The following THBS4 variants were observed in gnomAD, a reference collection of about 807,000 sequenced individuals.
THBS4 encodes the protein thrombospondin-4.
A neutral mutation model predicts 115.7 loss-of-function variants in THBS4; 90 were observed. That is an observed-to-expected ratio of 0.78 (90% CI 0.66 to 0.93). The LOEUF (loss-of-function observed/expected upper bound fraction) is 0.93, where lower values mean the gene tolerates loss of function less well. THBS4 is among the 40% of genes least tolerant of loss of function. The probability of loss-of-function intolerance (pLI) is 0.00; values close to 1 mark genes in which losing one functional copy is unlikely to be tolerated. For synonymous variants in THBS4, 460 were observed against 479.3 expected (o/e 0.96, Z 0.53); for missense variants, 1,087 against 1,232.7 (o/e 0.88, Z 1.77).
chr5:80,070,562 C>G (rs181668106), intron 11 of THBS4, 81 bp from the exon 12 acceptor site: 17 of 1,439,444 alleles, frequency 1.2e-5, no homozygotes, highest in Middle Eastern at 1.7e-4. Flanking sequence ...AACAATAAAG[C>G]CACAGTGTCT....
At chr5:80,020,858 C>T (rs1345933690) in intron 2 of THBS4, among the ~76,000 whole-genome samples, 1 of 152,212 alleles carries the variant, frequency 6.6e-6, no homozygotes, top group Non-Finnish European at 1.5e-5. Flanking sequence ...TGCAAAACCA[C>T]TATAGAAATG....
chr5:80,071,655 T>C (rs6874418), intron 13 of THBS4: 3 of 148,552 alleles, frequency 2.0e-5, no homozygotes, highest in Non-Finnish European at 3.0e-5. Context: ...AACACACACA[T>C]ACACACACAC....
At chr5:80,058,603 T>C in intron 4 of THBS4, 105 bp from the exon 5 acceptor site, 1 of 1,005,524 alleles carries the variant, frequency 9.9e-7, no homozygotes, top group East Asian at 2.4e-5. Context: ...TCTGGGTTTT[T>C]GAATCATCTT....
intron 2 of THBS4, among the ~76,000 whole-genome samples, chr5:80,002,365 C>T (rs1315769445): frequency 1.3e-5 from 2 of 152,068 alleles, no homozygotes; most frequent in African/African-American, 4.8e-5. Flanking sequence ...CTGACATACC[C>T]TCAATGGATG....
In THBS4 at chr5:80,061,796, G is replaced by C; in HGVS notation, c.1089G>C (p.Gln363His). 6.8e-6 allele frequency: 11 copies of C among 1,613,808 alleles called. No individual in the cohort carries two copies. Among genetic ancestry groups the C allele is most frequent in the Non-Finnish European group, 9.3e-6 (11 of 1,179,954 alleles). ...TGGGCTTCACAGGGCCCATGGTGCA[G>C]GGTGTTGGGATCAGTTTTGCCAAGT... The part of the protein sequence containing the change: ...CPVGFTGPMV[Q>H]GVGISFAKSN... The change falls in exon 8 of 22, where the codon CAG (glutamine) becomes CAC (histidine). Residue 363 changes from glutamine to histidine, a missense_variant. Physicochemically the swap from Gln to His is conservative, Grantham distance 24. Coordinates refer to ENST00000350881, the MANE Select transcript of THBS4 (RefSeq NM_003248.6).
chr5:80,061,691 C>A lies in THBS4; in HGVS notation c.988-4C>A. On this transcript the variant is annotated splice_region_variant and splice_polypyrimidine_tract_variant and intron_variant, in intron 7 of 21. Coordinates refer to ENST00000350881, the MANE Select transcript of THBS4 (RefSeq NM_003248.6). ...CTAAAGACTTTGAACTTTTTTGTCT[C>A]CAGTGCAAATACCATCCCTGCTACC... 1 of 1,601,734 alleles carries A rather than the reference C, an allele frequency of 6.2e-7. No individual in the cohort carries two copies. Among genetic ancestry groups the A allele is most frequent in the Non-Finnish European group, 8.5e-7 (1 of 1,173,664 alleles).
chr5:80,004,935 G>A (rs1049172343), intron 2 of THBS4, among the ~76,000 whole-genome samples: 2 of 151,814 alleles, frequency 1.3e-5, no homozygotes, highest in Non-Finnish European at 2.9e-5. Flanking sequence ...AGGGGGTTTC[G>A]CCATGTTACC....
intron 2 of THBS4, among the ~76,000 whole-genome samples, chr5:80,000,224 A>C (rs1160651972): frequency 1.3e-5 from 2 of 152,220 alleles, no homozygotes; most frequent in African/African-American, 4.8e-5. Flanking sequence ...ACTAACTCTT[A>C]TATCCCCCAC....
chr5:80,061,249 G>C (rs1205583665), intron 7 of THBS4, among the ~76,000 whole-genome samples: 3 of 152,166 alleles, frequency 2.0e-5, no homozygotes, highest in Non-Finnish European at 4.4e-5. Context: ...GGCCCTGAGG[G>C]ATTACATGGT....
At chr5:79,993,460 C>T (rs145656005) in intron 1 of THBS4, among the ~76,000 whole-genome samples, 72 of 152,250 alleles carry the variant, frequency 4.7e-4, no homozygotes, top group African/African-American at 1.6e-3. Flanking sequence ...CTTTTCCTGG[C>T]TGTTTTAGAG....
At chr5:80,082,340 C>T (rs1743553007) in intron 20 of THBS4, 66 bp from the exon 21 acceptor site, 4 of 1,593,422 alleles carry the variant, frequency 2.5e-6, no homozygotes, top group Non-Finnish European at 3.4e-6. Context: ...GGCCCCTGGG[C>T]CTCACAGTGG....
upstream of THBS4, among the ~76,000 whole-genome samples, chr5:80,031,904 T>C (rs937110673): frequency 2.0e-5 from 3 of 152,204 alleles, no homozygotes; most frequent in Non-Finnish European, 2.9e-5. Context: ...TCACAACTCT[T>C]ATCCTAGATT....
intron 18 of THBS4, 32 bp from the exon 19 acceptor site, chr5:80,079,030 T>A (rs1743358821): frequency 1.9e-6 from 3 of 1,612,588 alleles, no homozygotes; most frequent in Non-Finnish European, 2.5e-6. Context: ...GTGTGGTTTG[T>A]CTATTGTTCT....
chr5:80,072,431 T>C, intron 14 of THBS4, 35 bp downstream of exon 14: 2 of 1,571,976 alleles, frequency 1.3e-6, no homozygotes, highest in Non-Finnish European at 1.8e-6. Context: ...AACTCCAGGC[T>C]GAATTCCTCT....
intron 1 of THBS4, among the ~76,000 whole-genome samples, chr5:79,997,907 A>T (rs969647998): frequency 4.6e-5 from 7 of 152,232 alleles, no homozygotes; most frequent in African/African-American, 1.7e-4. Context: ...TGGGTCAGAG[A>T]GGAAGTGTCA....
chr5:80,072,161 T>G, intron 13 of THBS4, 117 bp from the exon 14 acceptor site: 1 of 830,030 alleles, frequency 1.2e-6, no homozygotes, highest in Non-Finnish European at 2.0e-6. Context: ...CAGAAAAGGG[T>G]AGTCTCTGTG....
At chr5:80,058,841 TC>T in intron 5 of THBS4, 51 bp downstream of exon 5, 1 of 1,552,564 alleles carries the variant, frequency 6.4e-7, no homozygotes, top group Non-Finnish European at 8.8e-7. Flanking sequence ...TTAGAGCAGC[TC>T]CCCACAAGCT....
chr5:80,036,498 C>A (rs1832724050), intron 1 of THBS4, among the ~76,000 whole-genome samples: 1 of 152,150 alleles, frequency 6.6e-6, no homozygotes, highest in Non-Finnish European at 1.5e-5. Flanking sequence ...CACATGTACC[C>A]TCTGAATCTA....
chr5:80,065,305 C>A, intron 8 of THBS4, 104 bp from the exon 9 acceptor site: 2 of 985,780 alleles, frequency 2.0e-6, no homozygotes, highest in East Asian at 2.6e-5. Context: ...CCCGAAATTC[C>A]GCATCTTCAC....
Sources: allele counts gnomAD v4.1 joint callset (sites outside exome capture counted in the v4.1 genomes callset), GRCh38; gene constraint gnomAD v4.1.1; transcripts MANE v1.5; gene names NCBI Gene and HGNC (gene_info 2026-07-23, HGNC 2026-07-21).